Variants in SARDH observed in about 807,000 individuals in gnomAD.
SARDH encodes sarcosine dehydrogenase, mitochondrial.
SARDH carries 95 observed loss-of-function variants against 109.1 expected under a neutral mutation model. That is an observed-to-expected ratio of 0.87 (90% confidence interval 0.74 to 1.03). The LOEUF is 1.03. SARDH is among the 50% of genes least tolerant of loss of function. The pLI, the probability that SARDH is intolerant of heterozygous loss-of-function variation, is 0.00. For synonymous variants in SARDH, 572 were observed against 534.8 expected, an observed-to-expected ratio of 1.07 and a Z score of -0.96; for missense variants, 1,267 against 1,287.8, an observed-to-expected ratio of 0.98 and a Z score of 0.25.
chr9:133,694,348 G>C lies in SARDH; in HGVS notation c.1831C>G (p.Leu611Val), dbSNP rs1217390371. ...PPGSTVYTCMLNHRGGTESDL... is the reference protein window; with the variant it reads ...PPGSTVYTCMVNHRGGTESDL... The stretch of plus-strand genomic sequence containing the variant: ...CTCTCGGTGCCCCCACGGTGGTTGA[G>C]CATGCACGTGTACACGGTGGAGCCT... The change falls in exon 15 of 21, where the codon CTC (leucine) becomes GTC (valine). Residue 611 changes from leucine (L) to valine (V), a missense_variant. Coordinates refer to ENST00000439388, the MANE Select transcript of SARDH (RefSeq NM_001134707.2). 4 of 1,550,596 alleles carry C rather than the reference G, an allele frequency of 2.6e-6. No homozygotes were observed. The highest frequency in any genetic ancestry group is 3.5e-6 in the Non-Finnish European group (4 of 1,146,938).
Position 133,692,843 on chromosome 9 carries a change from C to A in SARDH, c.1921+1415G>T, listed in dbSNP as rs1216325957. 6.6e-6 allele frequency among the ~76,000 whole-genome samples: 1 copy of A among 152,196 alleles called. No homozygotes were observed. Among genetic ancestry groups the A allele is most frequent in the African/African-American group, 2.4e-5 (1 of 41,446 alleles). ...GTGGCTCAGCCCATGGCTCCCTCAG[C>A]CTCCACGTCGCCAACGGCAGGAGGG... On this transcript the variant is annotated intron_variant, in intron 15 of 20. Transcript: ENST00000439388. The surrounding 1 kb of genome is among the most constrained non-coding windows in gnomAD (Gnocchi z 5.0).
At chr9:133,669,797 C>G (rs567865167) in intron 19 of SARDH, among the ~76,000 whole-genome samples, 37 of 152,366 alleles carry the variant, frequency 2.4e-4, no homozygotes, top group African/African-American at 8.2e-4. Flanking sequence ...TATCACAGGG[C>G]TGTGGGGAGA....
At position 133,702,900 on chromosome 9, in the gene SARDH, G is replaced by A; in HGVS notation, c.1668+16C>T. On this transcript the variant is annotated intron_variant, in intron 13 of 20. Transcript: ENST00000439388. ...GGCAGAAGGACGGACCCCCACGGTG[G>A]ACCCCAGCTACGCACCGTGTCGTGG... 6.2e-7 allele frequency: 1 copy of A among 1,606,166 alleles called. No individual in the cohort carries two copies. The highest frequency in any genetic ancestry group is 1.3e-5 in the African/African-American group (1 of 74,986).
chr9:133,685,694 C>T (rs898607874), intron 16 of SARDH, among the ~76,000 whole-genome samples: 1 of 152,196 alleles, frequency 6.6e-6, no homozygotes, highest in African/African-American at 2.4e-5. Context: ...TCCAACTCTT[C>T]AGAGGCCAGA....
intron 11 of SARDH, 150 bp downstream of exon 11, chr9:133,708,137 G>T (rs1831767069): frequency 2.3e-6 from 2 of 859,798 alleles, no homozygotes; most frequent in Non-Finnish European, 3.4e-6. Context: ...ACACATGGGG[G>T]TGCCGGGTTA....
At position 133,702,988 on chromosome 9, in the gene SARDH, C is replaced by G; in HGVS notation, c.1596G>C (p.Ala532=). ...GCCTGCGGTAGGCGTAGTCCTCGTGCGCGCGGCTCCCGTAAGCCCCGTAGT... is the reference window on the plus strand; with the variant it reads ...GCCTGCGGTAGGCGTAGTCCTCGTGGGCGCGGCTCCCGTAAGCCCCGTAGT... ...YDYYGAYGSR[A]HEDYAYRRLL... is the part of the protein sequence containing the mutation. Residue 532 remains alanine, a synonymous_variant, in exon 13 of 21, where the codon GCG becomes GCC. Transcript: ENST00000439388. 1 of 1,613,500 alleles carries G rather than the reference C, an allele frequency of 6.2e-7. No homozygotes were observed. Among genetic ancestry groups the G allele is most frequent in the Non-Finnish European group, 8.5e-7 (1 of 1,179,988 alleles).
rs145045551 is a variant in SARDH at position 133,727,973 on chromosome 9, G to A, written c.915+1792C>T. ...GACGCCCCAGGACACAGCTCTGCCC[G>A]CCCTCCCAGAACCCACTGAGACCTG... On this transcript the variant is annotated intron_variant, in intron 6 of 20. Coordinates refer to ENST00000439388, the MANE Select transcript of SARDH (RefSeq NM_001134707.2). 4.1e-3 allele frequency among the ~76,000 whole-genome samples: 630 copies of A among 152,058 alleles called. 3 individuals carry two copies. The highest frequency in any genetic ancestry group is 0.015 in the African/African-American group (603 of 41,494).
At chr9:133,672,386 G>A (rs1305310996) in intron 17 of SARDH, among the ~76,000 whole-genome samples, 1 of 152,220 alleles carries the variant, frequency 6.6e-6, no homozygotes, top group African/African-American at 2.4e-5. Flanking sequence ...GTAGATATAT[G>A]TTTTGGGGGT....
At chr9:133,675,768 A>T (rs975867109) in intron 17 of SARDH, among the ~76,000 whole-genome samples, 3 of 152,214 alleles carry the variant, frequency 2.0e-5, no homozygotes, top group Non-Finnish European at 4.4e-5. Context: ...AATAGCCAAG[A>T]GGTAGATGCA....
At chr9:133,726,656 C>T (rs562499331) in intron 6 of SARDH, among the ~76,000 whole-genome samples, 56 of 152,312 alleles carry the variant, frequency 3.7e-4, no homozygotes, top group African/African-American at 1.3e-3. Context: ...AGGCAGCAGC[C>T]TCCTGCTCTG....
chr9:133,730,061 C>T lies in SARDH; in HGVS notation c.814+3G>A, dbSNP rs1163094925. The T allele has an allele frequency of 6.2e-7, 1 of 1,614,138 alleles. No individual in the cohort carries two copies. Among genetic ancestry groups the T allele is most frequent in the South Asian group, 1.1e-5 (1 of 91,080 alleles). ...CAGGAGTCAGGAGAAATGCCACTCG[C>T]ACCTGCACAGTTGACCACGCAGGGT... is the stretch of plus-strand genomic sequence containing the variant. On this transcript the variant is annotated splice_donor_region_variant and intron_variant, in intron 5 of 20. Coordinates refer to ENST00000439388, the MANE Select transcript of SARDH (RefSeq NM_001134707.2).
chr9:133,715,774 A>C (rs1261715889), intron 8 of SARDH, among the ~76,000 whole-genome samples: 1 of 152,088 alleles, frequency 6.6e-6, no homozygotes, highest in Admixed American at 6.5e-5. Flanking sequence ...TATGCCCTGC[A>C]CCGCCCCTGT....
intron 13 of SARDH, among the ~76,000 whole-genome samples, chr9:133,702,061 G>A (rs1225910390): frequency 6.6e-6 from 1 of 152,210 alleles, no homozygotes; most frequent in African/African-American, 2.4e-5. Context: ...CTGTCCCTGG[G>A]CTCTGAGACT....
chr9:133,698,581 A>G (rs373367352), intron 13 of SARDH, among the ~76,000 whole-genome samples: 6 of 152,396 alleles, frequency 3.9e-5, no homozygotes, highest in African/African-American at 1.2e-4. Context: ...GAATAGACCT[A>G]TAGATCAACG....
chr9:133,665,007 G>T (rs772174754), intron 20 of SARDH, among the ~76,000 whole-genome samples: 6 of 152,194 alleles, frequency 3.9e-5, no homozygotes, highest in Non-Finnish European at 5.9e-5. Flanking sequence ...CCTATCTTAG[G>T]CAGAAACCTC....
intron 13 of SARDH, among the ~76,000 whole-genome samples, chr9:133,702,400 G>A (rs1230588198): frequency 2.0e-5 from 3 of 152,226 alleles, no homozygotes; most frequent in Admixed American, 2.0e-4. Flanking sequence ...GGAGCCAGAG[G>A]AACAGCAAGC....
rs1588430688 is a variant in SARDH, at chr9:133,708,359, C to G, written c.1398G>C (p.Lys466Asn). ...IRERSHESYA[K>N]NYSVVFPHDE... Reference sequence around the variant, plus strand: ...CGTGGGGGAAGACGACGGAGTAGTTCTTGGCGTAGGACTCATGGCTTCGCT... The same window carrying G: ...CGTGGGGGAAGACGACGGAGTAGTTGTTGGCGTAGGACTCATGGCTTCGCT... The change falls in exon 11 of 21, where the codon AAG becomes AAC. Residue 466 changes from lysine (K) to asparagine (N), a missense_variant. Coordinates refer to ENST00000439388, the MANE Select transcript of SARDH (RefSeq NM_001134707.2). The G allele has an allele frequency of 1.2e-6, 2 of 1,613,392 alleles. No individual in the cohort carries two copies. The highest frequency in any genetic ancestry group is 2.7e-5 in the African/African-American group (2 of 75,036).
intron 14 of SARDH, among the ~76,000 whole-genome samples, chr9:133,695,894 G>A (rs1401024508): frequency 6.6e-6 from 1 of 152,200 alleles, no homozygotes; most frequent in Non-Finnish European, 1.5e-5. Context: ...TCCCACCTGT[G>A]AGAGCATGGG....
intron 16 of SARDH, among the ~76,000 whole-genome samples, chr9:133,690,113 T>C (rs1239003311): frequency 6.6e-6 from 1 of 152,176 alleles, no homozygotes; most frequent in Non-Finnish European, 1.5e-5. Flanking sequence ...TAGACTGCAC[T>C]GGTGACTCAG....
Sources: gnomAD v4.1 joint callset for allele counts (sites outside exome capture counted in the v4.1 genomes callset) on GRCh38, gnomAD v4.1.1 for gene constraint, Gnocchi (gnomAD v3.1) non-coding constraint, MANE v1.5 for transcripts, NCBI Gene and HGNC (gene_info 2026-07-23, HGNC 2026-07-21) for gene names.